The following PALLD variants were observed in gnomAD, a reference collection of about 807,000 sequenced individuals.
PALLD encodes the protein palladin.
PALLD carries 61 observed loss-of-function variants against 123.5 expected under a neutral mutation model. The observed-to-expected ratio is 0.49, with a 90% CI of 0.40 to 0.61. The LOEUF (loss-of-function observed/expected upper bound fraction) is 0.61, where lower values mean the gene tolerates loss of function less well. PALLD is among the 20% of genes least tolerant of loss of function. PALLD has a pLI of 0.00. For missense variants in PALLD, 1,273 were observed against 1,377.0 expected (o/e 0.92, Z 1.20); for synonymous variants, 465 against 496.4 (o/e 0.94, Z 0.84).
At chr4:168,809,862 T>TA (rs1740809443) in intron 10 of PALLD, among the ~76,000 whole-genome samples, 1 of 73,646 alleles carries the variant, frequency 1.4e-5, no homozygotes, top group Admixed American at 1.2e-4. Flanking sequence ...AGACTCTGTC[T>TA]CAAAAAAAAA....
At chr4:168,516,312 C>A (rs1762985788) in intron 2 of PALLD, among the ~76,000 whole-genome samples, 1 of 152,064 alleles carries the variant, frequency 6.6e-6, no homozygotes, top group Non-Finnish European at 1.5e-5. Flanking sequence ...ATACTCCTTC[C>A]AAACAGCATA....
At chr4:168,754,713 A>C (rs893924500) in intron 10 of PALLD, among the ~76,000 whole-genome samples, 14 of 152,158 alleles carry the variant, frequency 9.2e-5, no homozygotes, top group African/African-American at 3.1e-4. Context: ...TTTGGCTCCA[A>C]GTCCTTAAAC....
intron 8 of PALLD, among the ~76,000 whole-genome samples, chr4:168,708,619 CT>C (rs1421229681): frequency 9.2e-5 from 14 of 152,120 alleles, no homozygotes; most frequent in African/African-American, 3.1e-4. Context: ...TTCCCCACTG[CT>C]TGGTTTGCAG....
chr4:168,608,635 CA>C (rs1039848718), intron 2 of PALLD, among the ~76,000 whole-genome samples: 2 of 152,094 alleles, frequency 1.3e-5, no homozygotes, highest in Admixed American at 6.6e-5. Context: ...TCTCTTAATC[CA>C]TCTCTGATAT....
intron 10 of PALLD, among the ~76,000 whole-genome samples, chr4:168,820,973 A>C (rs1742635770): frequency 6.6e-6 from 1 of 152,230 alleles, no homozygotes; most frequent in South Asian, 2.1e-4. Context: ...TTATTGAGTA[A>C]TCAATGTCTC....
intron 15 of PALLD, among the ~76,000 whole-genome samples, chr4:168,909,280 C>T (rs1457535127): frequency 2.0e-5 from 3 of 152,176 alleles, no homozygotes; most frequent in African/African-American, 7.2e-5. Flanking sequence ...CCTCAAACTG[C>T]ATTATGTATA....
intron 2 of PALLD, among the ~76,000 whole-genome samples, chr4:168,651,582 T>TC (rs1778045251): frequency 6.6e-6 from 1 of 152,254 alleles, no homozygotes; most frequent in African/African-American, 2.4e-5. Context: ...GAACTCTTTT[T>TC]TTTTCCCCCC....
At chr4:168,712,004 G>A (rs950833422) in intron 10 of PALLD, 81 bp downstream of exon 10, 69 of 1,229,642 alleles carry the variant, frequency 5.6e-5, no homozygotes, top group Non-Finnish European at 7.6e-5. Flanking sequence ...ACTTTTGCCT[G>A]TATTCAACTA....
intron 2 of PALLD, among the ~76,000 whole-genome samples, chr4:168,614,345 T>C (rs1272272566): frequency 1.3e-5 from 2 of 152,232 alleles, no homozygotes; most frequent in Non-Finnish European, 1.5e-5. Flanking sequence ...AGGGAGACCC[T>C]TGTGCCCAAA....
intron 17 of PALLD, among the ~76,000 whole-genome samples, chr4:168,920,022 G>C (rs1045920947): frequency 6.6e-6 from 1 of 152,188 alleles, no homozygotes; most frequent in African/African-American, 2.4e-5. Flanking sequence ...TGTGGCTTCA[G>C]TCAGTAGATG....
chr4:168,815,405 A>C (rs780283698), intron 10 of PALLD, among the ~76,000 whole-genome samples: 49 of 152,238 alleles, frequency 3.2e-4, no homozygotes, highest in Admixed American at 6.5e-4. Context: ...AATAGTTGAA[A>C]GTATATTTGT....
chr4:168,691,469 C>T (rs1224897447), intron 8 of PALLD, among the ~76,000 whole-genome samples, 177 bp downstream of exon 8: 1 of 152,094 alleles, frequency 6.6e-6, no homozygotes, highest in African/African-American at 2.4e-5. Flanking sequence ...GGAGTCTGTA[C>T]ACTGCATTTT....
chr4:168,840,305 C>T (rs1053660837), intron 10 of PALLD, among the ~76,000 whole-genome samples: 7 of 152,144 alleles, frequency 4.6e-5, no homozygotes, highest in Non-Finnish European at 2.9e-5. Flanking sequence ...GAGCTCGCCT[C>T]TCCAGGGAGA....
chr4:168,630,322 A>G (rs1315587405), intron 2 of PALLD, among the ~76,000 whole-genome samples: 1 of 152,222 alleles, frequency 6.6e-6, no homozygotes, highest in Non-Finnish European at 1.5e-5. Context: ...AAATAAAAAG[A>G]TCTAATGACA....
At chr4:168,706,501 A>G (rs1784245844) in intron 8 of PALLD, among the ~76,000 whole-genome samples, 1 of 152,232 alleles carries the variant, frequency 6.6e-6, no homozygotes, top group Non-Finnish European at 1.5e-5. Flanking sequence ...CTAAACTCTC[A>G]GAAGCTTATA....
At chr4:168,794,432 C>T (rs560028600) in intron 10 of PALLD, among the ~76,000 whole-genome samples, 25 of 136,412 alleles carry the variant, frequency 1.8e-4, no homozygotes, top group African/African-American at 5.4e-4. Context: ...CGCATGCGCG[C>T]GCACACACAT....
chr4:168,759,339 G>A (rs1466862540), intron 10 of PALLD, among the ~76,000 whole-genome samples: 1 of 149,260 alleles, frequency 6.7e-6, no homozygotes, highest in Non-Finnish European at 1.5e-5. Flanking sequence ...GTGTATAGTA[G>A]GATTTTAAAA....
intron 10 of PALLD, among the ~76,000 whole-genome samples, chr4:168,802,601 A>G (rs1055289413): frequency 6.6e-6 from 1 of 151,844 alleles, no homozygotes; most frequent in African/African-American, 2.4e-5. Context: ...ACATGGGTTG[A>G]AAAAATATTT....
At chr4:168,760,762 T>C (rs1732715825) in intron 10 of PALLD, among the ~76,000 whole-genome samples, 1 of 152,232 alleles carries the variant, frequency 6.6e-6, no homozygotes, top group Non-Finnish European at 1.5e-5. Context: ...GAAAAGACTT[T>C]TCTGTTTTCT....
Sources: gnomAD v4.1 joint callset for allele counts (sites outside exome capture counted in the v4.1 genomes callset) on GRCh38, gnomAD v4.1.1 for gene constraint, MANE v1.5 for transcripts, NCBI Gene and HGNC (gene_info 2026-07-23, HGNC 2026-07-21) for gene names.